DACH1: variants seen among roughly 807,000 people sequenced by gnomAD.
DACH1 encodes dachshund family transcription factor 1.
In DACH1, 12 loss-of-function variants were observed where a neutral mutation model predicts 54.2. The ratio of observed to expected loss-of-function variants is 0.22; its 90% CI spans 0.14 to 0.36. The LOEUF is 0.36. Ranked by LOEUF, DACH1 falls within the 10% of genes least tolerant of loss-of-function variation. The probability of loss-of-function intolerance (pLI) is 1.00; values close to 1 mark genes in which losing one functional copy is unlikely to be tolerated. For missense variants in DACH1, 805 were observed against 929.8 expected, an observed-to-expected ratio of 0.87 and a Z score of 1.75; for synonymous variants, 386 against 366.2, an observed-to-expected ratio of 1.05 and a Z score of -0.62.
rs112385957 is a variant in DACH1, at chr13:71,789,395, G to C, written c.848+76527C>G. Among the ~76,000 whole-genome samples, 1,008 of 152,184 alleles carry C rather than the reference G, an allele frequency of 6.6e-3. 3 individuals carry two copies. Among genetic ancestry groups the C allele is most frequent in the African/African-American group, 0.023 (960 of 41,544 alleles). On this transcript the variant is annotated intron_variant, in intron 1 of 10. Transcript: ENST00000613252. Reference sequence around the variant, plus strand: ...AAATAAGAAATAAATTTAATCTTAAGTTGGAAAAGTGCATAAAGATTTGCT... The same window carrying C: ...AAATAAGAAATAAATTTAATCTTAACTTGGAAAAGTGCATAAAGATTTGCT...
intron 3 of DACH1, among the ~76,000 whole-genome samples, chr13:71,575,978 A>G (rs1305696024): frequency 2.0e-5 from 3 of 152,144 alleles, no homozygotes; most frequent in South Asian, 4.1e-4. Context: ...ACTTCAGAAC[A>G]AGACCTGCCC....
At chr13:71,760,309 T>C (rs911844052) in intron 1 of DACH1, among the ~76,000 whole-genome samples, 1 of 152,194 alleles carries the variant, frequency 6.6e-6, no homozygotes, top group Non-Finnish European at 1.5e-5. Flanking sequence ...TGATTCTCAG[T>C]GGCTTCTGAT....
intron 6 of DACH1, among the ~76,000 whole-genome samples, chr13:71,540,796 C>T (rs905602725): frequency 6.6e-6 from 1 of 151,898 alleles, no homozygotes; most frequent in Non-Finnish European, 1.5e-5. Context: ...AAAAATATCA[C>T]ATTGAACAAA....
chr13:71,492,701 C>A (rs1475060826), intron 6 of DACH1, among the ~76,000 whole-genome samples: 1 of 149,604 alleles, frequency 6.7e-6, no homozygotes, highest in African/African-American at 2.5e-5. Context: ...TTTTTAAATT[C>A]TCTCTCTGCT....
At chr13:71,806,596 T>A (rs1235807664) in intron 1 of DACH1, among the ~76,000 whole-genome samples, 1 of 152,212 alleles carries the variant, frequency 6.6e-6, no homozygotes, top group Non-Finnish European at 1.5e-5. Flanking sequence ...TACATATCAG[T>A]ACTTGTTAAT....
At chr13:71,743,919 CA>C (rs1284237049) in intron 1 of DACH1, among the ~76,000 whole-genome samples, 4 of 152,032 alleles carry the variant, frequency 2.6e-5, no homozygotes, top group Admixed American at 2.0e-4. Flanking sequence ...AAGATTTTTT[CA>C]GGTTGATAAA....
intron 6 of DACH1, among the ~76,000 whole-genome samples, chr13:71,543,091 G>A (rs569972775): frequency 3.5e-4 from 53 of 152,210 alleles, no homozygotes; most frequent in Admixed American, 3.5e-3. Flanking sequence ...TTCACCCACT[G>A]CCTAAGTTTG....
intron 1 of DACH1, among the ~76,000 whole-genome samples, chr13:71,714,991 A>G (rs1232726444): frequency 6.6e-6 from 1 of 152,134 alleles, no homozygotes; most frequent in African/African-American, 2.4e-5. Flanking sequence ...TACACAGAAC[A>G]TCTACTAACA....
At chr13:71,565,576 A>G (rs1884849831) in intron 4 of DACH1, among the ~76,000 whole-genome samples, 1 of 152,136 alleles carries the variant, frequency 6.6e-6, no homozygotes. Context: ...CTTTTAAGAG[A>G]CAGTCAATGA....
At chr13:71,769,719 T>G (rs1204063624) in intron 1 of DACH1, among the ~76,000 whole-genome samples, 1 of 151,702 alleles carries the variant, frequency 6.6e-6, no homozygotes, top group South Asian at 2.1e-4. Context: ...TCTCACAGCA[T>G]TCGTTATTCT....
intron 2 of DACH1, among the ~76,000 whole-genome samples, chr13:71,665,916 G>T (rs1173215380): frequency 6.6e-6 from 1 of 152,150 alleles, no homozygotes; most frequent in East Asian, 1.9e-4. Context: ...ATACTCATCT[G>T]TTAAATGAGA....
chr13:71,649,553 T>C (rs1391820176), intron 2 of DACH1, among the ~76,000 whole-genome samples: 1 of 152,172 alleles, frequency 6.6e-6, no homozygotes, highest in Non-Finnish European at 1.5e-5. Context: ...AATCCATATA[T>C]GTAGGCTATT....
At chr13:71,448,199 C>A (rs995359574) in intron 10 of DACH1, among the ~76,000 whole-genome samples, 1 of 152,190 alleles carries the variant, frequency 6.6e-6, no homozygotes, top group Non-Finnish European at 1.5e-5. Flanking sequence ...GCAGATGCCT[C>A]ACTCTTCCAG....
chr13:71,585,200 T>C (rs551907612), intron 3 of DACH1, among the ~76,000 whole-genome samples: 1 of 148,182 alleles, frequency 6.7e-6, no homozygotes, highest in Non-Finnish European at 1.5e-5. Context: ...TACAGGGAGG[T>C]TGAAAAAATA....
chr13:71,552,196 G>A (rs1188673567), intron 6 of DACH1, among the ~76,000 whole-genome samples: 2 of 152,062 alleles, frequency 1.3e-5, no homozygotes, highest in Admixed American at 6.6e-5. Flanking sequence ...GAAAGAGAGC[G>A]ATTGATTTGC....
At chr13:71,776,487 T>A (rs1266309998) in intron 1 of DACH1, among the ~76,000 whole-genome samples, 1 of 152,118 alleles carries the variant, frequency 6.6e-6, no homozygotes, top group Non-Finnish European at 1.5e-5. Context: ...ATTTTCTTAA[T>A]ATATTGATTA....
At chr13:71,851,012 G>A (rs1326651732) in intron 1 of DACH1, among the ~76,000 whole-genome samples, 1 of 152,222 alleles carries the variant, frequency 6.6e-6, no homozygotes, top group Non-Finnish European at 1.5e-5. Context: ...CATTTGTGCT[G>A]TGATATGTAC....
chr13:71,634,453 A>T (rs1186071564), intron 2 of DACH1, among the ~76,000 whole-genome samples: 1 of 152,076 alleles, frequency 6.6e-6, no homozygotes, highest in Non-Finnish European at 1.5e-5. Flanking sequence ...TTTCACTAGC[A>T]AACGACTTCA....
Position 71,600,279 on chromosome 13 carries a change from G to T in DACH1, c.1127-27267C>A, listed in dbSNP as rs188327894. Among the ~76,000 whole-genome samples, 38 of 152,124 alleles carry T rather than the reference G, an allele frequency of 2.5e-4. No individual in the cohort carries two copies. In the East Asian group the frequency reaches 6.0e-3, roughly 24 times the overall value. ...GCTCCTTTCTTTAAAATACTGCAAA[G>T]CATAAACAAAAGTTATATTCATTCA... On this transcript the variant is annotated intron_variant, in intron 3 of 10. Coordinates refer to ENST00000613252, the MANE Select transcript of DACH1 (RefSeq NM_080759.6).
Sources: gnomAD v4.1 joint callset for allele counts (sites outside exome capture counted in the v4.1 genomes callset) on GRCh38, gnomAD v4.1.1 for gene constraint, MANE v1.5 for transcripts, NCBI Gene and HGNC (gene_info 2026-07-23, HGNC 2026-07-21) for gene names.